CELF2: variants seen among roughly 807,000 people sequenced by gnomAD.
CELF2 encodes the protein CUGBP Elav-like family member 2.
In CELF2, 8 loss-of-function variants were observed where a neutral mutation model predicts 62.6. The ratio of observed to expected loss-of-function variants is 0.13; its 90% CI spans 0.07 to 0.23. The LOEUF (loss-of-function observed/expected upper bound fraction) is 0.23. Among genes scored for constraint, CELF2 ranks in the 10% least tolerant of loss-of-function variants. CELF2 has a pLI of 1.00. For synonymous variants in CELF2, 258 were observed against 250.0 expected, an observed-to-expected ratio of 1.03 and a Z score of -0.30; for missense variants, 333 against 671.0, an observed-to-expected ratio of 0.50 and a Z score of 5.56.
At chr10:10,666,708 A>G in the CELF2 span, among the ~76,000 whole-genome samples, 1 of 123,176 alleles carries the variant, frequency 8.1e-6, no homozygotes, top group Non-Finnish European at 1.7e-5. Flanking sequence ...TAAAAATACA[A>G]AAAATTAGCC....
At chr10:11,320,939 G>A (rs777861092) in intron 10 of CELF2, 6 of 1,546,042 alleles carry the variant, frequency 3.9e-6, no homozygotes, top group South Asian at 3.6e-5. Flanking sequence ...GAGCTGTCTC[G>A]TCTAACTCGT....
chr10:10,618,261 C>T, the CELF2 span, among the ~76,000 whole-genome samples: 17 of 152,182 alleles, frequency 1.1e-4, no homozygotes, highest in African/African-American at 4.1e-4. Context: ...TAGGAATGAG[C>T]CCATTTCAAG....
the CELF2 span, among the ~76,000 whole-genome samples, chr10:10,650,922 C>A: frequency 9.9e-5 from 15 of 152,010 alleles, no homozygotes; most frequent in Admixed American, 8.5e-4. Context: ...GTGAGCGACG[C>A]AGAAGACCGG....
At chr10:10,684,113 C>T in the CELF2 span, among the ~76,000 whole-genome samples, 101 of 152,098 alleles carry the variant, frequency 6.6e-4, no homozygotes, top group Non-Finnish European at 2.9e-5. Context: ...ATTCCTACCT[C>T]GGGATGAAGG....
intron 1 of CELF2, among the ~76,000 whole-genome samples, chr10:11,116,794 G>A (rs1315288998): frequency 6.6e-6 from 1 of 152,194 alleles, no homozygotes; most frequent in African/African-American, 2.4e-5. Flanking sequence ...TCATCAGTAA[G>A]TTGTTTATGT....
chr10:10,658,468 A>C, the CELF2 span, among the ~76,000 whole-genome samples: 1 of 152,178 alleles, frequency 6.6e-6, no homozygotes, highest in African/African-American at 2.4e-5. Context: ...CTACATTAAG[A>C]TAAGTCAACA....
chr10:11,241,174 A>T (rs1441971687), intron 3 of CELF2, among the ~76,000 whole-genome samples: 1 of 152,204 alleles, frequency 6.6e-6, no homozygotes, highest in Non-Finnish European at 1.5e-5. Flanking sequence ...ACCTCCAGAT[A>T]TGGCTTTGTC....
intron 3 of CELF2, among the ~76,000 whole-genome samples, chr10:11,245,845 G>T (rs764642414): frequency 3.9e-5 from 6 of 152,138 alleles, no homozygotes; most frequent in Non-Finnish European, 7.4e-5. Flanking sequence ...GTTCTTAACC[G>T]AAGGCTCATA....
chr10:10,672,525 T>G, the CELF2 span, among the ~76,000 whole-genome samples: 401 of 151,934 alleles, frequency 2.6e-3, 1 homozygote, highest in South Asian at 0.023. Context: ...GCATGTCTAG[T>G]TGGTCCGGCA....
intron 1 of CELF2, among the ~76,000 whole-genome samples, chr10:10,836,322 C>T (rs1273678381): frequency 6.6e-6 from 1 of 152,080 alleles, no homozygotes; most frequent in Non-Finnish European, 1.5e-5. Flanking sequence ...GGGGAAGATC[C>T]AGGAAGGGTG....
chr10:11,123,461 G>A (rs2058130071), intron 1 of CELF2, among the ~76,000 whole-genome samples: 1 of 152,034 alleles, frequency 6.6e-6, no homozygotes, highest in Non-Finnish European at 1.5e-5. Flanking sequence ...ATGTTCCCCA[G>A]CTGGTCTCAA....
rs1298427230 is a variant in CELF2, at chr10:10,870,246, A to G, written c.54-49718A>G. 5.3e-5 allele frequency among the ~76,000 whole-genome samples: 8 copies of G among 152,290 alleles called. No individual in the cohort carries two copies. In the South Asian group the frequency reaches 1.7e-3, roughly 32 times the overall value. Reference sequence around the variant, plus strand: ...ATATACTTTAAAAGATATGTACGTTAAATTTAGGGACATTTGGTATATATA... The same window carrying G: ...ATATACTTTAAAAGATATGTACGTTGAATTTAGGGACATTTGGTATATATA... On this transcript the variant is annotated intron_variant, in intron 1 of 13. Coordinates refer to the CELF2 transcript ENST00000636488.
At position 11,306,728 on chromosome 10, in the gene CELF2, T is replaced by G. The variant is rs2094240069; in HGVS notation, c.977-7411T>G. 6.6e-6 allele frequency among the ~76,000 whole-genome samples: 1 copy of G among 152,156 alleles called. No homozygotes were observed. Among genetic ancestry groups the G allele is most frequent in the African/African-American group, 2.4e-5 (1 of 41,432 alleles). On this transcript the variant is annotated intron_variant, in intron 9 of 12. Coordinates refer to ENST00000633077, the MANE Select transcript of CELF2 (RefSeq NM_001326342.2). The surrounding 1 kb of genome is among the most constrained non-coding windows in gnomAD (Gnocchi z 4.4). ...ATCTAGTTAATTTTTCTTAGTCTCA[T>G]GCTTGATTCTTCTCCCTCCTTTTCT...
chr10:10,762,861 G>C, the CELF2 span, among the ~76,000 whole-genome samples: 44 of 152,310 alleles, frequency 2.9e-4, no homozygotes, highest in African/African-American at 9.9e-4. Flanking sequence ...GGGCAACATA[G>C]CAAGACCCTG....
intron 1 of CELF2, among the ~76,000 whole-genome samples, chr10:11,021,746 CAT>C (rs1289666917): frequency 7.2e-5 from 11 of 152,160 alleles, no homozygotes; most frequent in African/African-American, 1.2e-4. Context: ...TAAGTGAACA[CAT>C]GTGGGGTGGC....
At chr10:11,210,148 G>A (rs144862300) in intron 2 of CELF2, among the ~76,000 whole-genome samples, 114 of 152,168 alleles carry the variant, frequency 7.5e-4, no homozygotes, top group Non-Finnish European at 1.4e-3. Context: ...TCCTGAATTC[G>A]AATATAACTC....
intron 2 of CELF2, among the ~76,000 whole-genome samples, chr10:11,166,635 T>C (rs906853351): frequency 2.0e-5 from 3 of 152,186 alleles, no homozygotes; most frequent in Admixed American, 2.0e-4. Context: ...GGCCTCACAG[T>C]TTCTTTTGCT....
chr10:10,926,160 T>C (rs1268831061), intron 2 of CELF2, among the ~76,000 whole-genome samples: 1 of 152,168 alleles, frequency 6.6e-6, no homozygotes, highest in African/African-American at 2.4e-5. Flanking sequence ...TCAGAGCCTC[T>C]ATGGTCTGAA....
chr10:10,581,523 A>T, the CELF2 span, among the ~76,000 whole-genome samples: 1 of 152,172 alleles, frequency 6.6e-6, no homozygotes, highest in African/African-American at 2.4e-5. Flanking sequence ...CACCAACACA[A>T]GTAACAGAAA....
Sources: allele counts gnomAD v4.1 joint callset (sites outside exome capture counted in the v4.1 genomes callset), GRCh38; gene constraint gnomAD v4.1.1; non-coding constraint Gnocchi (gnomAD v3.1); transcripts MANE v1.5; gene names NCBI Gene and HGNC (gene_info 2026-07-23, HGNC 2026-07-21).